The following KIF15 variants were observed in gnomAD, a reference collection of about 807,000 sequenced individuals.
KIF15 encodes kinesin-like protein KIF15.
In KIF15, 140 loss-of-function variants were observed where a neutral mutation model predicts 190.6. The observed-to-expected ratio is 0.73, with a 90% confidence interval of 0.64 to 0.84. The LOEUF is 0.84. Ranked by LOEUF, KIF15 falls within the 40% of genes least tolerant of loss-of-function variation. KIF15 has a pLI of 0.00. For missense variants in KIF15, 1,372 were observed against 1,584.4 expected, an observed-to-expected ratio of 0.87 and a Z score of 2.28; for synonymous variants, 528 against 551.3, an observed-to-expected ratio of 0.96 and a Z score of 0.59.
chr3:44,786,635 A>G (rs1706421686), intron 7 of KIF15, 61 bp downstream of exon 7: 1 of 1,387,664 alleles, frequency 7.2e-7, no homozygotes, highest in African/African-American at 1.4e-5. Flanking sequence ...AATGCACCCC[A>G]AACTCCAAAA....
rs115788784 is a variant in KIF15 at position 44,830,767 on chromosome 3, T to C, written c.3049-129T>C. ...TGCACTTATTCTTCTATTCCTTCAG[T>C]CAGCAAGTATTTATTGAATTATCTT... On this transcript the variant is annotated intron_variant, in intron 25 of 34. Transcript: ENST00000326047. 5.3e-3 allele frequency: 4,673 copies of C among 876,664 alleles called. 110 individuals are homozygous for C. In the African/African-American group the frequency reaches 0.064, roughly 12 times the overall value. The allele number at this position is 876,664 out of a possible 1,614,324, so 54.3% of individuals were successfully genotyped here. A position where few individuals can be genotyped will look rare whatever the true frequency, so the allele number is the denominator to read the frequency against.
At chr3:44,823,708 C>T (rs1428548017) in intron 20 of KIF15, among the ~76,000 whole-genome samples, 1 of 152,234 alleles carries the variant, frequency 6.6e-6, no homozygotes, top group Non-Finnish European at 1.5e-5. Flanking sequence ...CCTACTCAAG[C>T]CTCAGCAATG....
At chr3:44,819,029 G>A (rs541309161) in intron 20 of KIF15, among the ~76,000 whole-genome samples, 9 of 152,094 alleles carry the variant, frequency 5.9e-5, no homozygotes, top group Admixed American at 1.3e-4. Flanking sequence ...GTTTATTTGC[G>A]TAGAGGTGTT....
chr3:44,862,830 T>C (rs1218240291), intron 6 of KIF15: 1 of 152,002 alleles, frequency 6.6e-6, no homozygotes, highest in African/African-American at 2.4e-5. Context: ...TCACTGATTA[T>C]TTAGGGTTAA....
At chr3:44,781,049 AGG>A in intron 5 of KIF15, 127 bp downstream of exon 5, 1 of 704,550 alleles carries the variant, frequency 1.4e-6, no homozygotes, top group Non-Finnish European at 2.4e-6. Context: ...GAAATTCCCT[AGG>A]CTTCTGCCAA....
At chr3:44,788,774 A>G (rs1052753177) in intron 7 of KIF15, among the ~76,000 whole-genome samples, 8 of 152,138 alleles carry the variant, frequency 5.3e-5, no homozygotes, top group East Asian at 1.9e-4. Context: ...TTTATTATCA[A>G]TGTTACTTGT....
chr3:44,778,834 T>A (rs1032613389), intron 4 of KIF15, among the ~76,000 whole-genome samples: 1 of 151,330 alleles, frequency 6.6e-6, no homozygotes, highest in African/African-American at 2.4e-5. Context: ...ACAAAAAAAA[T>A]AGCTGGATGT....
At chr3:44,835,934 C>T (rs57265543) in intron 26 of KIF15, among the ~76,000 whole-genome samples, 1,775 of 152,252 alleles carry the variant, frequency 0.012, 32 homozygotes, top group African/African-American at 0.039. Flanking sequence ...ACAAGCCAGG[C>T]ATGGTAATGC....
rs548654434 is a variant in KIF15 at position 44,841,131 on chromosome 3, G to C, written c.3478G>C (p.Glu1160Gln). 21 of 1,613,620 alleles carry C rather than the reference G, an allele frequency of 1.3e-5. No homozygotes were observed. The South Asian group carries it at 2.3e-4, about 18-fold the overall frequency. The stretch of plus-strand genomic sequence containing the variant: ...TTTGGCAAAACTCCTGGAAACACAA[G>C]AACAAGAGATAGAAGATGGAAGAGC... ...THLAKLLETQ[E>Q]QEIEDGRASK... Residue 1160 changes from glutamate (E) to glutamine (Q), a missense_variant, in exon 29 of 35, where the codon GAA becomes CAA. Physicochemically the swap from Glu to Gln is conservative, Grantham distance 29. Transcript: ENST00000326047.
In KIF15 at chr3:44,841,102, C is replaced by T; in HGVS notation, c.3449C>T (p.Thr1150Ile). Residue 1150 changes from threonine (T) to isoleucine (I), a missense_variant, in exon 29 of 35, where the codon ACA becomes ATA. By Grantham distance (89) the Thr-to-Ile change is moderately conservative. Coordinates refer to ENST00000326047, the MANE Select transcript of KIF15 (RefSeq NM_020242.3). ...CCTAAGACACCACCTCACTTTCAAACACATTTGGCAAAACTCCTGGAAACA... is the reference window on the plus strand; with the variant it reads ...CCTAAGACACCACCTCACTTTCAAATACATTTGGCAAAACTCCTGGAAACA... ...QSPKTPPHFQ[T>I]HLAKLLETQE... The T allele has an allele frequency of 6.2e-7, 1 of 1,613,394 alleles. No individual in the cohort carries two copies. Among genetic ancestry groups the T allele is most frequent in the South Asian group, 1.1e-5 (1 of 91,006 alleles).
chr3:44,827,352 G>A (rs1697722573), intron 22 of KIF15, 107 bp from the exon 23 acceptor site: 3 of 744,182 alleles, frequency 4.0e-6, no homozygotes, highest in African/African-American at 1.8e-5. Flanking sequence ...GACACCAAGG[G>A]TGTGCCTAAC....
At chr3:44,765,925 TGA>T (rs1230845380) in intron 1 of KIF15, 1 of 155,838 alleles carries the variant, frequency 6.4e-6, no homozygotes, top group African/African-American at 2.4e-5. Flanking sequence ...CTCCACCTCC[TGA>T]GTTCAAGCGA....
chr3:44,862,154 C>CGGGG, intron 6 of KIF15: 1 of 68,026 alleles, frequency 1.5e-5, no homozygotes, highest in Non-Finnish European at 2.7e-5. Flanking sequence ...CTGCTGCGGG[C>CGGGG]GGGCGGGCGG....
chr3:44,859,665 T>A (rs2125737208), intron 6 of KIF15, among the ~76,000 whole-genome samples: 1 of 152,074 alleles, frequency 6.6e-6, no homozygotes, highest in African/African-American at 2.4e-5. Context: ...TCTCAAAAAA[T>A]ACATATATAT....
intron 22 of KIF15, chr3:44,827,207 A>G (rs1559571236): frequency 6.9e-6 from 3 of 432,126 alleles, no homozygotes; most frequent in East Asian, 9.1e-5. Context: ...ATAAACAAAT[A>G]CTATATGATA....
Position 44,830,943 on chromosome 3 carries a change from G to A in KIF15, c.3096G>A (p.Leu1032=), listed in dbSNP as rs747375569. ...TTGACAGAGAAGAGAGCAGAGTGTT[G>A]ATCAAGAAGCAGGAAGTGGATATTC... ...ALVDREESRV[L]IKKQEVDILD... is the part of the protein sequence containing the mutation. The change falls in exon 26 of 35, where the codon TTG becomes TTA. Residue 1032 remains leucine, a synonymous_variant. Coordinates refer to ENST00000326047, the MANE Select transcript of KIF15 (RefSeq NM_020242.3). 1 of 1,614,012 alleles carries A rather than the reference G, an allele frequency of 6.2e-7. No homozygotes were observed. The highest frequency in any genetic ancestry group is 1.1e-5 in the South Asian group (1 of 91,050).
intron 20 of KIF15, among the ~76,000 whole-genome samples, chr3:44,824,989 A>C (rs1023136079): frequency 2.0e-5 from 3 of 152,080 alleles, no homozygotes; most frequent in Admixed American, 2.0e-4. Context: ...CAAACCCCTG[A>C]GCTCAAGCAG....
intron 11 of KIF15, 41 bp downstream of exon 11, chr3:44,800,478 A>T: frequency 1.3e-6 from 2 of 1,591,802 alleles, no homozygotes; most frequent in Non-Finnish European, 1.7e-6. Flanking sequence ...GGAAGACTGT[A>T]CAAATAATAG....
intron 26 of KIF15, among the ~76,000 whole-genome samples, chr3:44,832,024 C>G (rs1698097546): frequency 6.6e-6 from 1 of 152,176 alleles, no homozygotes; most frequent in South Asian, 2.1e-4. Context: ...AACACTGTTA[C>G]TTACATCAAA....
Sources: allele counts gnomAD v4.1 joint callset (sites outside exome capture counted in the v4.1 genomes callset), GRCh38; gene constraint gnomAD v4.1.1; transcripts MANE v1.5; gene names NCBI Gene and HGNC (gene_info 2026-07-23, HGNC 2026-07-21).